Variants in ASH1L observed in about 807,000 individuals in gnomAD.
ASH1L encodes ASH1 like histone lysine methyltransferase.
A neutral mutation model predicts 269.0 loss-of-function variants in ASH1L; 23 were observed. The observed-to-expected ratio is 0.09, with a 90% CI of 0.06 to 0.12. The LOEUF is 0.12. Among genes scored for constraint, ASH1L ranks in the 10% least tolerant of loss-of-function variants. The pLI is 1.00. For synonymous variants in ASH1L, 1,187 were observed against 1,253.5 expected (o/e 0.95, Z 1.12); for missense variants, 2,912 against 3,567.8 (o/e 0.82, Z 4.68).
At chr1:155,432,825 T>G (rs1298540163) in intron 5 of ASH1L, among the ~76,000 whole-genome samples, 2 of 152,114 alleles carry the variant, frequency 1.3e-5, no homozygotes, top group African/African-American at 4.8e-5. Flanking sequence ...AACCTCTGCT[T>G]CCCTGGCTCA....
chr1:155,560,655 G>A (rs556647596), intron 1 of ASH1L, among the ~76,000 whole-genome samples: 3 of 152,224 alleles, frequency 2.0e-5, no homozygotes, highest in Admixed American at 1.3e-4. Flanking sequence ...ACCATTTATT[G>A]AACAGGCAGT....
chr1:155,541,642 C>T (rs1670437094), intron 1 of ASH1L, among the ~76,000 whole-genome samples: 1 of 152,142 alleles, frequency 6.6e-6, no homozygotes, highest in Non-Finnish European at 1.5e-5. Flanking sequence ...CCATTTCTAA[C>T]TCTCAAAGTA....
intron 1 of ASH1L, among the ~76,000 whole-genome samples, chr1:155,538,342 G>A (rs934178170): frequency 1.4e-5 from 2 of 142,378 alleles, no homozygotes; most frequent in Admixed American, 1.4e-4. Flanking sequence ...GGCACCTGGC[G>A]TTTTTTTGTT....
chr1:155,478,809 G>A lies in ASH1L; in HGVS notation c.4061C>T (p.Pro1354Leu), dbSNP rs896413441. 1 of 1,613,996 alleles carries A rather than the reference G, an allele frequency of 6.2e-7. No homozygotes were observed. The highest frequency in any genetic ancestry group is 8.5e-7 in the Non-Finnish European group (1 of 1,180,036). Residue 1354 changes from proline to leucine, a missense_variant, in exon 3 of 28, where the codon CCT becomes CTT. Pro to Leu is a moderately conservative substitution (Grantham distance 98). Coordinates refer to ENST00000392403, the MANE Select transcript of ASH1L (RefSeq NM_018489.3). The surrounding 1 kb of genome is among the most constrained non-coding windows in gnomAD (Gnocchi z 4.6). ...TTCAGCCATTGCCTCCCTCATCTTAGGGGGTCTCCCTCTTTTCTTTTTTAA... is the reference window on the plus strand; with the variant it reads ...TTCAGCCATTGCCTCCCTCATCTTAAGGGGTCTCCCTCTTTTCTTTTTTAA... ...PDLKKKRGRP[P>L]KMREAMAEMP...
chr1:155,509,718 G>A (rs1216256919), intron 2 of ASH1L, among the ~76,000 whole-genome samples: 1 of 152,094 alleles, frequency 6.6e-6, no homozygotes, highest in Admixed American at 6.5e-5. Context: ...AGAACTGCTT[G>A]AACCCAGGAG....
intron 1 of ASH1L, among the ~76,000 whole-genome samples, chr1:155,530,782 C>T (rs892960786): frequency 2.6e-5 from 4 of 151,498 alleles, no homozygotes; most frequent in Admixed American, 6.6e-5. Flanking sequence ...CATGGTGGCA[C>T]GTGCCTATCG....
At chr1:155,434,058 C>A in intron 5 of ASH1L, 1 of 1,592,200 alleles carries the variant, frequency 6.3e-7, no homozygotes, top group Non-Finnish European at 8.5e-7. Flanking sequence ...AGCGACTATG[C>A]ATAACGAGAG....
intron 2 of ASH1L, among the ~76,000 whole-genome samples, chr1:155,490,875 T>C (rs938279829): frequency 2.7e-5 from 4 of 147,694 alleles, no homozygotes; most frequent in Non-Finnish European, 4.4e-5. Context: ...AAGTGGAGAA[T>C]GGCTTGAGCC....
At chr1:155,435,115 G>A (rs922369546) in intron 5 of ASH1L, among the ~76,000 whole-genome samples, 19 of 152,230 alleles carry the variant, frequency 1.2e-4, no homozygotes, top group African/African-American at 2.4e-4. Flanking sequence ...CCAAGATTGC[G>A]CCACTGCATT....
chr1:155,521,082 G>C lies in ASH1L; in HGVS notation c.420+18C>G. 2 of 1,570,246 alleles carry C rather than the reference G, an allele frequency of 1.3e-6. No individual in the cohort carries two copies. Among genetic ancestry groups the C allele is most frequent in the Non-Finnish European group, 1.7e-6 (2 of 1,161,758 alleles). ...AAAATATTGTCAATAACCACATATT[G>C]TTAGGAATTCTACTTACTCGTTTTG... On this transcript the variant is annotated intron_variant, in intron 2 of 27. Coordinates refer to ENST00000392403, the MANE Select transcript of ASH1L (RefSeq NM_018489.3).
chr1:155,342,255 G>A (rs1021022917), intron 24 of ASH1L, among the ~76,000 whole-genome samples, 153 bp from the exon 25 acceptor site: 4 of 152,218 alleles, frequency 2.6e-5, no homozygotes, highest in African/African-American at 9.7e-5. Context: ...GCATTTGGTA[G>A]TTGCTGGACA....
chr1:155,401,138 G>C (rs1201688640), intron 6 of ASH1L, among the ~76,000 whole-genome samples: 2 of 151,528 alleles, frequency 1.3e-5, no homozygotes, highest in African/African-American at 4.9e-5. Flanking sequence ...GCCAGCCAGG[G>C]TGACAGAGTG....
chr1:155,549,200 G>A (rs376391037), intron 1 of ASH1L, among the ~76,000 whole-genome samples: 4 of 152,048 alleles, frequency 2.6e-5, no homozygotes, highest in South Asian at 2.1e-4. Context: ...AAAATTACCC[G>A]AATATTGTGT....
At chr1:155,549,170 C>A (rs1311816957) in intron 1 of ASH1L, among the ~76,000 whole-genome samples, 1 of 152,092 alleles carries the variant, frequency 6.6e-6, no homozygotes, top group Admixed American at 6.6e-5. Flanking sequence ...AAGCATGACT[C>A]TCTCTCTACA....
At chr1:155,563,104 T>C (rs545909974), upstream of ASH1L, 621 of 456,164 alleles carry the variant, frequency 1.4e-3, 3 homozygotes, top group African/African-American at 0.011. Context: ...GCGCTGCGGC[T>C]CGCCTCCCTC....
intron 1 of ASH1L, among the ~76,000 whole-genome samples, chr1:155,537,859 T>C (rs1462875490): frequency 6.6e-6 from 1 of 152,088 alleles, no homozygotes; most frequent in African/African-American, 2.4e-5. Flanking sequence ...CAGGTTACTG[T>C]GATAGTACAC....
chr1:155,442,779 C>T (rs754118395), intron 4 of ASH1L, among the ~76,000 whole-genome samples: 14 of 151,958 alleles, frequency 9.2e-5, no homozygotes, highest in Non-Finnish European at 1.9e-4. Context: ...TCCTTAAACT[C>T]ATCATGTTTT....
At chr1:155,374,158 G>A (rs1219653023) in intron 10 of ASH1L, among the ~76,000 whole-genome samples, 1 of 151,948 alleles carries the variant, frequency 6.6e-6, no homozygotes, top group Non-Finnish European at 1.5e-5. Flanking sequence ...GCGAAACCTC[G>A]TCTCTATTAA....
rs953981299 is a variant in ASH1L, at chr1:155,425,912, G to A, written c.5829-9989C>T. On this transcript the variant is annotated intron_variant, in intron 5 of 27. Coordinates refer to ENST00000392403, the MANE Select transcript of ASH1L (RefSeq NM_018489.3). ...TTGTGGTGTTTTTTTTTTTTGAGACGGAGTCTCGCTCTGTCACCCAGGCTG... is the reference window on the plus strand; with the variant it reads ...TTGTGGTGTTTTTTTTTTTTGAGACAGAGTCTCGCTCTGTCACCCAGGCTG... Among the ~76,000 whole-genome samples, 34 of 146,180 alleles carry A rather than the reference G, an allele frequency of 2.3e-4. 1 individual carries two copies. Among genetic ancestry groups the A allele is most frequent in the East Asian group, 1.6e-3 (8 of 4,906 alleles).
Sources: allele counts gnomAD v4.1 joint callset (sites outside exome capture counted in the v4.1 genomes callset), GRCh38; gene constraint gnomAD v4.1.1; non-coding constraint Gnocchi (gnomAD v3.1); transcripts MANE v1.5; gene names NCBI Gene and HGNC (gene_info 2026-07-23, HGNC 2026-07-21).